The following ABCC8 variants were observed in gnomAD, a reference collection of about 807,000 sequenced individuals.
The protein encoded by ABCC8 is ATP binding cassette subfamily C member 8.
ABCC8 carries 137 observed loss-of-function variants against 188.0 expected under a neutral mutation model. That is an observed-to-expected ratio of 0.73 (90% confidence interval 0.63 to 0.84). The LOEUF (loss-of-function observed/expected upper bound fraction) is 0.84, where lower values mean the gene tolerates loss of function less well. Ranked by LOEUF, ABCC8 falls within the 40% of genes least tolerant of loss-of-function variation. The pLI, the probability that ABCC8 is intolerant of heterozygous loss-of-function variation, is 0.00. For synonymous variants in ABCC8, 797 were observed against 846.5 expected, an observed-to-expected ratio of 0.94 and a Z score of 1.01; for missense variants, 1,750 against 2,072.7, an observed-to-expected ratio of 0.84 and a Z score of 3.02.
chr11:17,447,789 A>G (rs1390546597), intron 8 of ABCC8, among the ~76,000 whole-genome samples: 1 of 152,172 alleles, frequency 6.6e-6, no homozygotes, highest in Non-Finnish European at 1.5e-5. Flanking sequence ...ACAGGGTCTC[A>G]CTTTGTTGCC....
At position 17,450,334 on chromosome 11, in the gene ABCC8, C is replaced by T. The variant is rs1336510733; in HGVS notation, c.1177-1663G>A. ...TCTTTCTTTCTTTCTTTCTCTCTCT[C>T]TCTTTCCTTTCTTTCTTTCTTTCCT... On this transcript the variant is annotated intron_variant, in intron 7 of 38. Transcript: ENST00000389817. Among the ~76,000 whole-genome samples the T allele has an allele frequency of 3.7e-4, 45 of 120,468 alleles. 2 individuals are homozygous for T. Among genetic ancestry groups the T allele is most frequent in the East Asian group, 3.3e-3 (14 of 4,298 alleles). 79.0% of individuals were successfully genotyped at this position (120,468 alleles called of 152,430 possible).
intron 11 of ABCC8, 25 bp from the exon 12 acceptor site, chr11:17,430,984 C>T (rs1346589956): frequency 3.1e-6 from 5 of 1,610,316 alleles, no homozygotes; most frequent in Non-Finnish European, 4.2e-6. Context: ...ACAAGTGAGG[C>T]CAGGGTGGCC....
intron 3 of ABCC8, among the ~76,000 whole-genome samples, chr11:17,469,582 T>A (rs2237971): frequency 0.31 from 46,971 of 151,628 alleles, 7,326 homozygotes; most frequent in Middle Eastern, 0.44. Flanking sequence ...GTCACATCAG[T>A]TATTGATGCC....
chr11:17,402,605 T>TG, intron 29 of ABCC8, 56 bp downstream of exon 29: 2 of 1,614,124 alleles, frequency 1.2e-6, no homozygotes, highest in Non-Finnish European at 1.7e-6. Flanking sequence ...TCATGGCCTG[T>TG]GCCCCCTGGC....
intron 28 of ABCC8, among the ~76,000 whole-genome samples, chr11:17,403,231 G>A (rs1291833619): frequency 2.0e-5 from 3 of 152,162 alleles, no homozygotes. Flanking sequence ...GAAATGATAG[G>A]TTTCGTCTCG....
intron 22 of ABCC8, chr11:17,410,302 T>C (rs910896742): frequency 1.4e-5 from 8 of 569,788 alleles, no homozygotes; most frequent in African/African-American, 1.3e-4. Flanking sequence ...CGGGCCAGGA[T>C]GGGGAGTGTC....
rs757843756 is a variant in ABCC8, at chr11:17,405,596, T to C, written c.3330-33A>G. The stretch of plus-strand genomic sequence containing the variant: ...GCAGCCAGAGGAAGAGTTACTCATT[T>C]GTCCATTGATTTACTTCCTGTTTAC... On this transcript the variant is annotated intron_variant, in intron 26 of 38. Coordinates refer to ENST00000389817, the MANE Select transcript of ABCC8 (RefSeq NM_000352.6). 3.5e-5 allele frequency: 56 copies of C among 1,614,064 alleles called. No homozygotes were observed. The South Asian group carries it at 5.7e-4, about 16-fold the overall frequency.
chr11:17,444,926 T>C (rs956817450), intron 8 of ABCC8, among the ~76,000 whole-genome samples: 1 of 152,388 alleles, frequency 6.6e-6, no homozygotes, highest in Non-Finnish European at 1.5e-5. Flanking sequence ...TGAACCTTTA[T>C]GATAAGCACC....
chr11:17,409,538 G>C (rs1344059770), intron 22 of ABCC8, among the ~76,000 whole-genome samples: 1 of 152,006 alleles, frequency 6.6e-6, no homozygotes, highest in Non-Finnish European at 1.5e-5. Context: ...CTTATCTTTG[G>C]GCCTTTTTTC....
At chr11:17,396,855 T>C (rs957546791) in intron 33 of ABCC8, 61 bp downstream of exon 33, 2 of 1,601,804 alleles carry the variant, frequency 1.2e-6, no homozygotes, top group African/African-American at 2.7e-5. Context: ...TCCAGCTCCG[T>C]GCATGCCCCA....
intron 1 of ABCC8, among the ~76,000 whole-genome samples, chr11:17,475,280 C>T (rs931441738): frequency 3.3e-5 from 5 of 152,200 alleles, no homozygotes; most frequent in Admixed American, 2.0e-4. Context: ...TGCAGTGCCA[C>T]GATCACGGCT....
intron 22 of ABCC8, 62 bp downstream of exon 22, chr11:17,410,454 A>G: frequency 6.3e-7 from 1 of 1,574,950 alleles, no homozygotes; most frequent in Non-Finnish European, 8.7e-7. Context: ...GGTTCCTGCC[A>G]AGATGCCTGA....
chr11:17,422,979 C>T (rs113889535), intron 16 of ABCC8, among the ~76,000 whole-genome samples: 5 of 151,984 alleles, frequency 3.3e-5, no homozygotes, highest in Admixed American at 6.6e-5. Flanking sequence ...ATACCACATC[C>T]GCAGTGAGCC....
intron 22 of ABCC8, among the ~76,000 whole-genome samples, chr11:17,409,270 T>C (rs1158082527): frequency 6.6e-6 from 1 of 152,134 alleles, no homozygotes; most frequent in East Asian, 1.9e-4. Flanking sequence ...TAAAACTTTT[T>C]ATCTGGAACA....
chr11:17,402,819 C>T, intron 28 of ABCC8, 66 bp from the exon 29 acceptor site: 1 of 1,577,508 alleles, frequency 6.3e-7, no homozygotes, highest in Non-Finnish European at 8.7e-7. Context: ...GGCCTGAAGC[C>T]TAGCTCCACC....
intron 8 of ABCC8, among the ~76,000 whole-genome samples, chr11:17,445,089 G>A (rs1305436105): frequency 1.3e-5 from 2 of 152,188 alleles, no homozygotes; most frequent in East Asian, 3.8e-4. Flanking sequence ...TCACTGCGTG[G>A]CCCAGGGTAA....
Position 17,404,774 on chromosome 11 carries a change from AT to A in ABCC8, c.3400-106del. The stretch of plus-strand genomic sequence containing the variant: ...CTCTCACTTTATTTTTTGATCCTTT[AT>A]TTTTTTGAGACTGAGTCTCACTGTT... On this transcript the variant is annotated intron_variant, in intron 27 of 38. Coordinates refer to ENST00000389817, the MANE Select transcript of ABCC8 (RefSeq NM_000352.6). This position sits in a 1 kb window ranked among gnomAD's most constrained non-coding sequence, Gnocchi z 4.7. 2 of 1,496,690 alleles carry A rather than the reference AT, an allele frequency of 1.3e-6. No individual in the cohort carries two copies. Among genetic ancestry groups the A allele is most frequent in the Non-Finnish European group, 1.8e-6 (2 of 1,104,088 alleles). The allele number at this position is 1,496,690 out of a possible 1,614,324, so 92.7% of individuals were successfully genotyped here.
intron 10 of ABCC8, among the ~76,000 whole-genome samples, chr11:17,434,633 A>G (rs941179088): frequency 6.6e-6 from 1 of 152,206 alleles, no homozygotes; most frequent in African/African-American, 2.4e-5. Flanking sequence ...AAACGTGATA[A>G]TTGACACTTC....
chr11:17,428,781 C>T, intron 12 of ABCC8, 111 bp from the exon 13 acceptor site: 1 of 1,536,830 alleles, frequency 6.5e-7, no homozygotes, highest in Non-Finnish European at 8.7e-7. Flanking sequence ...GAAGTATAGT[C>T]CCACAAAGCC....
Sources: gnomAD v4.1 joint callset for allele counts (sites outside exome capture counted in the v4.1 genomes callset) on GRCh38, gnomAD v4.1.1 for gene constraint, Gnocchi (gnomAD v3.1) non-coding constraint, MANE v1.5 for transcripts, NCBI Gene and HGNC (gene_info 2026-07-23, HGNC 2026-07-21) for gene names.